Variants in FBH1 observed in about 807,000 individuals in gnomAD.
FBH1 encodes F-box DNA helicase 1.
FBH1 carries 43 observed loss-of-function variants against 115.5 expected under a neutral mutation model. The ratio of observed to expected loss-of-function variants is 0.37; its 90% CI spans 0.29 to 0.48. The LOEUF (loss-of-function observed/expected upper bound fraction) is 0.48, where lower values mean the gene tolerates loss of function less well. FBH1 is among the 20% of genes least tolerant of loss of function. FBH1 has a pLI of 0.99. For missense variants in FBH1, 1,001 were observed against 1,337.3 expected (o/e 0.75, Z 3.92); for synonymous variants, 524 against 507.8 (o/e 1.03, Z -0.43).
At chr10:5,930,836 A>C (rs1397606440) in intron 19 of FBH1, among the ~76,000 whole-genome samples, 2 of 152,016 alleles carry the variant, frequency 1.3e-5, no homozygotes, top group African/African-American at 2.4e-5. Flanking sequence ...TGCAGCATCA[A>C]CCTCCTGGGC....
At position 5,925,272 on chromosome 10, in the gene FBH1, C is replaced by T. The variant is rs914979575; in HGVS notation, c.2597-95C>T. On this transcript the variant is annotated intron_variant, in intron 17 of 20. Transcript: ENST00000362091. The surrounding 1 kb of genome is among the most constrained non-coding windows in gnomAD (Gnocchi z 4.6). Reference sequence around the variant, plus strand: ...AAACTGCACTGAGGCAAGAAATGTTCGAGTTCAGAGTCAAGTGGGAAACAT... The same window carrying T: ...AAACTGCACTGAGGCAAGAAATGTTTGAGTTCAGAGTCAAGTGGGAAACAT... 2.2e-5 allele frequency: 33 copies of T among 1,480,768 alleles called. No homozygotes were observed. In the East Asian group the frequency reaches 4.2e-4, roughly 19 times the overall value. The allele number at this position is 1,480,768 out of a possible 1,614,324, so 91.7% of individuals were successfully genotyped here.
rs771676268 is a variant in FBH1 at position 5,916,372 on chromosome 10, C to T, written c.1704C>T (p.Asp568=). Residue 568 remains aspartate (D), a synonymous_variant, in exon 10 of 21, where the codon GAC becomes GAT. Transcript: ENST00000362091. ...KTLENFFASA[D]EELTIDHVPI... ...TAGAAAACTTCTTTGCCTCGGCTGA[C>T]GAAGAGCTGACCATTGATCACGTGC... is the stretch of plus-strand genomic sequence containing the variant. 4.0e-5 allele frequency: 65 copies of T among 1,614,120 alleles called. No individual in the cohort carries two copies. The highest frequency in any genetic ancestry group is 4.0e-5 in the African/African-American group (3 of 74,944).
rs757794902 is a variant in FBH1, at chr10:5,906,084, C to G, written c.205C>G (p.Gln69Glu). ...CIPEFFLAGK[Q>E]PCTNDMAKSN... ...CCCTGAGTTCTTCCTAGCAGGCAAG[C>G]AGCCGTGCACCAATGACATGGCCAA... The change falls in exon 3 of 21, where the codon CAG becomes GAG. Residue 69 changes from glutamine to glutamate, a missense_variant. Gln to Glu is a conservative substitution (Grantham distance 29). Around this residue, in one of 4 missense-constraint regions of FBH1, gnomAD observed 420 missense variants for 430.4 expected, o/e 0.98. Transcript: ENST00000362091. This position sits in a 1 kb window ranked among gnomAD's most constrained non-coding sequence, Gnocchi z 7.3. 1.2e-6 allele frequency: 2 copies of G among 1,612,806 alleles called. No individual in the cohort carries two copies. Among genetic ancestry groups the G allele is most frequent in the Non-Finnish European group, 1.7e-6 (2 of 1,178,864 alleles).
In FBH1 at chr10:5,924,212, A is replaced by C; in HGVS notation, c.2399-99A>C. 8.3e-7 allele frequency: 1 copy of C among 1,206,010 alleles called. No homozygotes were observed. Among genetic ancestry groups the C allele is most frequent in the South Asian group, 1.3e-5 (1 of 75,410 alleles). 74.7% of individuals were successfully genotyped at this position (1,206,010 alleles called of 1,614,324 possible). A position where few individuals can be genotyped will look rare whatever the true frequency, so the allele number is the denominator to read the frequency against. ...GGAACCCGGGTCTCCCCACTTTAAG[A>C]CCATCTGCTCTTGCGCAGCTGCTTA... is the stretch of plus-strand genomic sequence containing the variant. On this transcript the variant is annotated intron_variant, in intron 16 of 20. Transcript: ENST00000362091. The surrounding 1 kb of genome is among the most constrained non-coding windows in gnomAD (Gnocchi z 6.2).
intron 1 of FBH1, among the ~76,000 whole-genome samples, chr10:5,893,147 A>C (rs1454804222): frequency 6.6e-6 from 1 of 152,188 alleles, no homozygotes; most frequent in African/African-American, 2.4e-5. Context: ...CTCTACTAAA[A>C]TACAAAAAAT....
In FBH1 at chr10:5,923,404, T is replaced by C. The variant is rs892634082; in HGVS notation, c.2323-217T>C. ...TAACTTAGAATGTGGTCCCTGTGAG[T>C]GTTCAGGCCACGTGGCAGCCTTGCG... is the stretch of plus-strand genomic sequence containing the variant. On this transcript the variant is annotated intron_variant, in intron 15 of 20. Transcript: ENST00000362091. This position sits in a 1 kb window ranked among gnomAD's most constrained non-coding sequence, Gnocchi z 5.7. Among the ~76,000 whole-genome samples the C allele has an allele frequency of 5.3e-5, 8 of 152,238 alleles. No individual in the cohort carries two copies. Among genetic ancestry groups the C allele is most frequent in the African/African-American group, 1.9e-4 (8 of 41,530 alleles).
chr10:5,901,628 A>G (rs149029894), intron 1 of FBH1, among the ~76,000 whole-genome samples: 3 of 147,492 alleles, frequency 2.0e-5, no homozygotes, highest in African/African-American at 7.6e-5. Context: ...GCAATGGCAC[A>G]ATCTTGGGTC....
chr10:5,894,337 T>C, intron 1 of FBH1: 2 of 1,549,790 alleles, frequency 1.3e-6, no homozygotes, highest in Non-Finnish European at 1.7e-6. Flanking sequence ...CATTTCACAA[T>C]GATTTTAAAA....
rs1185217754 is a variant in FBH1, at chr10:5,917,295, T to C, written c.1789-125T>C. 13 of 738,444 alleles carry C rather than the reference T, an allele frequency of 1.8e-5. No homozygotes were observed. The Admixed American group carries it at 2.8e-4, about 16-fold the overall frequency. 45.7% of individuals were successfully genotyped at this position (738,444 alleles called of 1,614,324 possible). A position where few individuals can be genotyped will look rare whatever the true frequency, so the allele number is the denominator to read the frequency against. ...GGAGACCCAGGAGGTTAGGGTGGTGTCTGCGGTCCCCCTTCTGTGAGGATG... is the reference window on the plus strand; with the variant it reads ...GGAGACCCAGGAGGTTAGGGTGGTGCCTGCGGTCCCCCTTCTGTGAGGATG... On this transcript the variant is annotated intron_variant, in intron 10 of 20. Coordinates refer to ENST00000362091, the MANE Select transcript of FBH1 (RefSeq NM_178150.3). The surrounding 1 kb of genome is among the most constrained non-coding windows in gnomAD (Gnocchi z 5.6).
At chr10:5,934,923 C>T (rs1390247210) in intron 19 of FBH1, 1 of 152,216 alleles carries the variant, frequency 6.6e-6, no homozygotes, top group Non-Finnish European at 1.5e-5. Context: ...CTCAAGTGAT[C>T]CTCCCACTTC....
At chr10:5,907,112 G>A (rs1406392869) in intron 3 of FBH1, among the ~76,000 whole-genome samples, 3 of 152,018 alleles carry the variant, frequency 2.0e-5, no homozygotes, top group African/African-American at 4.8e-5. Flanking sequence ...ACAGGCGTGC[G>A]CCACCACACC....
intron 19 of FBH1, chr10:5,929,685 A>G (rs1423623882): frequency 6.6e-6 from 1 of 152,216 alleles, no homozygotes; most frequent in East Asian, 1.9e-4. Context: ...ATTAGTGAAC[A>G]AGTATGGCTG....
rs1403013224 is a variant in FBH1, at chr10:5,910,006, G to T, written c.1020+712G>T. Among the ~76,000 whole-genome samples, 1 of 152,168 alleles carries T rather than the reference G, an allele frequency of 6.6e-6. No individual in the cohort carries two copies. Among genetic ancestry groups the T allele is most frequent in the African/African-American group, 2.4e-5 (1 of 41,436 alleles). On this transcript the variant is annotated intron_variant, in intron 5 of 20. Transcript: ENST00000362091. The surrounding 1 kb of genome is among the most constrained non-coding windows in gnomAD (Gnocchi z 4.8). ...GTAACTTAAGAATGGTAAAGGCTGG[G>T]CGTGGTGGCTCACGCCTGTTATCCC...
rs143381368 is a variant in FBH1, at chr10:5,931,124, ATGT to A, written c.2829+3587_2829+3589del. On this transcript the variant is annotated intron_variant, in intron 19 of 20. Transcript: ENST00000362091. This position sits in a 1 kb window ranked among gnomAD's most constrained non-coding sequence, Gnocchi z 4.3. ...CAGCATATAGCAGTTTAAAATGATG[ATGT>A]TGTGAGCATCCACCAGATTAGAAGA... Among the ~76,000 whole-genome samples, 12,521 of 152,266 alleles carry A rather than the reference ATGT, an allele frequency of 0.082. 577 individuals carry two copies. The highest frequency in any genetic ancestry group is 0.12 in the Middle Eastern group (34 of 294).
intron 2 of FBH1, among the ~76,000 whole-genome samples, chr10:5,903,642 A>G (rs1843509975): frequency 6.6e-6 from 1 of 152,056 alleles, no homozygotes; most frequent in African/African-American, 2.4e-5. Context: ...TTTTCCATGA[A>G]AATTCTATCC....
chr10:5,900,279 G>A lies in FBH1; in HGVS notation c.2-2741G>A, dbSNP rs546436049. ...TGGATAATTTGACAGACAGTTTTGA[G>A]CATATTTTCTCATCTGTTCCTGATG... is the stretch of plus-strand genomic sequence containing the variant. On this transcript the variant is annotated intron_variant, in intron 1 of 20. Coordinates refer to ENST00000362091, the MANE Select transcript of FBH1 (RefSeq NM_178150.3). This position sits in a 1 kb window ranked among gnomAD's most constrained non-coding sequence, Gnocchi z 4.2. 1.2e-3 allele frequency among the ~76,000 whole-genome samples: 188 copies of A among 152,370 alleles called. No individual in the cohort carries two copies. The highest frequency in any genetic ancestry group is 2.3e-3 in the Non-Finnish European group (157 of 68,040).
chr10:5,924,413 A>T lies in FBH1; in HGVS notation c.2501A>T (p.Glu834Val). 6.2e-7 allele frequency: 1 copy of T among 1,614,212 alleles called. No individual in the cohort carries two copies. Among genetic ancestry groups the T allele is most frequent in the Non-Finnish European group, 8.5e-7 (1 of 1,180,044 alleles). The change falls in exon 17 of 21, where the codon GAA becomes GTA. Residue 834 changes from glutamate (E) to valine (V), a missense_variant. Around this residue, in one of 4 missense-constraint regions of FBH1, gnomAD observed 521 missense variants for 811.0 expected, o/e 0.64. Coordinates refer to ENST00000362091, the MANE Select transcript of FBH1 (RefSeq NM_178150.3). The surrounding 1 kb of genome is among the most constrained non-coding windows in gnomAD (Gnocchi z 6.2). ...YVTAAEDKELEAKIAVVEKYN... is the reference protein window; with the variant it reads ...YVTAAEDKELVAKIAVVEKYN... ...ACCGCTGCCGAGGACAAGGAGCTTG[A>T]AGCCAAGATCGCAGTTGTTGAAAAG...
At position 5,923,656 on chromosome 10, in the gene FBH1, T is replaced by C; in HGVS notation, c.2358T>C (p.Asp786=). 6.2e-7 allele frequency: 1 copy of C among 1,614,130 alleles called. No individual in the cohort carries two copies. Among genetic ancestry groups the C allele is most frequent in the Non-Finnish European group, 8.5e-7 (1 of 1,179,988 alleles). ...CATTTGGATTGGACAGAATCATTGATATTTGGATCCTTCTTCAGCCAGAGG... is the reference window on the plus strand; with the variant it reads ...CATTTGGATTGGACAGAATCATTGACATTTGGATCCTTCTTCAGCCAGAGG... The part of the protein sequence containing the change: ...IKSFGLDRII[D]IWILLQPEEE... The change falls in exon 16 of 21, where the codon GAT becomes GAC. Residue 786 remains aspartate, a synonymous_variant. Transcript: ENST00000362091. The surrounding 1 kb of genome is among the most constrained non-coding windows in gnomAD (Gnocchi z 5.7).
rs1831576559 is a variant in FBH1, at chr10:5,911,322, A to G, written c.1211+194A>G. Among the ~76,000 whole-genome samples, 1 of 152,222 alleles carries G rather than the reference A, an allele frequency of 6.6e-6. No individual in the cohort carries two copies. Among genetic ancestry groups the G allele is most frequent in the South Asian group, 2.1e-4 (1 of 4,836 alleles). Reference sequence around the variant, plus strand: ...GTGGAAAGGCTGGTAAGAGCGCCTTATGAACGTGCAGTTCTGAGCGGCTGC... The same window carrying G: ...GTGGAAAGGCTGGTAAGAGCGCCTTGTGAACGTGCAGTTCTGAGCGGCTGC... On this transcript the variant is annotated intron_variant, in intron 6 of 20. Coordinates refer to ENST00000362091, the MANE Select transcript of FBH1 (RefSeq NM_178150.3). This position sits in a 1 kb window ranked among gnomAD's most constrained non-coding sequence, Gnocchi z 5.4.
Sources: allele counts gnomAD v4.1 joint callset (sites outside exome capture counted in the v4.1 genomes callset), GRCh38; gene constraint gnomAD v4.1.1; regional missense constraint gnomAD v4.1.1; non-coding constraint Gnocchi (gnomAD v3.1); transcripts MANE v1.5; gene names NCBI Gene and HGNC (gene_info 2026-07-23, HGNC 2026-07-21).